Variants in STRN3 observed in about 807,000 individuals in gnomAD.
The protein encoded by STRN3 is striatin 3.
Under a neutral mutation model 95.6 loss-of-function variants are expected in STRN3, and 29 were observed. The ratio of observed to expected loss-of-function variants is 0.30; its 90% confidence interval spans 0.23 to 0.41. The LOEUF (loss-of-function observed/expected upper bound fraction) is 0.41. STRN3 is among the 10% of genes least tolerant of loss of function. The pLI, the probability that STRN3 is intolerant of heterozygous loss-of-function variation, is 1.00. For missense variants in STRN3, 890 were observed against 972.1 expected (o/e 0.92, Z 1.12); for synonymous variants, 331 against 357.6 (o/e 0.93, Z 0.84).
Position 30,935,189 on chromosome 14 carries a change from C to T in STRN3, c.962G>A (p.Arg321Gln), listed in dbSNP as rs372983140. The change falls in exon 7 of 18, where the codon CGG (arginine) becomes CAG (glutamine). Residue 321 changes from arginine to glutamine, a missense_variant. Arg to Gln is a conservative substitution (Grantham distance 43, BLOSUM62 1). Around this residue, in one of 3 missense-constraint regions of STRN3, gnomAD observed 526 missense variants for 526.3 expected, o/e 1.00. Transcript: ENST00000357479. Reference protein sequence around the residue: ...AEDGEGAGEARSSGDGTEWDK... With the variant: ...AEDGEGAGEAQSSGDGTEWDK... ...CCATTCTGTGCCATCCCCCGAACTC[C>T]GTGCTTCTCCAGCTCCTTCACCATC... The T allele has an allele frequency of 5.0e-6, 8 of 1,613,966 alleles. No homozygotes were observed. The highest frequency in any genetic ancestry group is 3.3e-5 in the Admixed American group (2 of 59,990).
At chr14:30,948,141 ACT>A (rs1879458358) in intron 4 of STRN3, among the ~76,000 whole-genome samples, 1 of 152,122 alleles carries the variant, frequency 6.6e-6, no homozygotes, top group Admixed American at 6.5e-5. Flanking sequence ...ACAAGTAAGA[ACT>A]CTACACAATT....
At chr14:30,898,725 C>G (rs1399473339) in intron 16 of STRN3, among the ~76,000 whole-genome samples, 1 of 152,178 alleles carries the variant, frequency 6.6e-6, no homozygotes, top group Non-Finnish European at 1.5e-5. Flanking sequence ...CCTCGTGCTT[C>G]TGCTAATACT....
rs539162974 is a variant in STRN3, at chr14:30,907,517, T to C, written c.1721-473A>G. Among the ~76,000 whole-genome samples the C allele has an allele frequency of 2.6e-4, 39 of 152,308 alleles. No homozygotes were observed. The South Asian group carries it at 6.6e-3, about 26-fold the overall frequency. ...AACTAATGCTCTGTCTCTATAGATG[T>C]GTCTTTCTGAACATTTTCTATAAAT... is the stretch of plus-strand genomic sequence containing the variant. On this transcript the variant is annotated intron_variant, in intron 13 of 17. Transcript: ENST00000357479.
chr14:31,000,176 C>T (rs980749808), intron 1 of STRN3, among the ~76,000 whole-genome samples: 2 of 149,080 alleles, frequency 1.3e-5, no homozygotes, highest in Admixed American at 6.9e-5. Flanking sequence ...TAATTCAAAT[C>T]CACCTAAAAA....
intron 1 of STRN3, among the ~76,000 whole-genome samples, chr14:30,966,518 C>T (rs754441455): frequency 1.1e-4 from 17 of 152,222 alleles, no homozygotes; most frequent in Non-Finnish European, 2.1e-4. Flanking sequence ...CTACCCAGTG[C>T]GAGGAATAAC....
At chr14:30,985,565 T>C (rs1881646594) in intron 1 of STRN3, among the ~76,000 whole-genome samples, 1 of 151,594 alleles carries the variant, frequency 6.6e-6, no homozygotes, top group African/African-American at 2.4e-5. Context: ...GATCACGCAT[T>C]GTACTCCAGC....
intron 4 of STRN3, among the ~76,000 whole-genome samples, chr14:30,950,112 A>T (rs1879565649): frequency 6.6e-6 from 1 of 152,148 alleles, no homozygotes; most frequent in Admixed American, 6.6e-5. Context: ...GAAATAAAAT[A>T]AAAGCAACCA....
intron 8 of STRN3, among the ~76,000 whole-genome samples, chr14:30,928,612 C>T (rs1878310083): frequency 6.6e-6 from 1 of 152,092 alleles, no homozygotes; most frequent in African/African-American, 2.4e-5. Flanking sequence ...TACATCCAGG[C>T]ACCAAGACAC....
chr14:30,987,847 C>A (rs1594545539), intron 1 of STRN3, among the ~76,000 whole-genome samples: 1 of 151,976 alleles, frequency 6.6e-6, no homozygotes, highest in South Asian at 2.1e-4. Context: ...AAGCAATTCT[C>A]CTGCCTCAGC....
intron 5 of STRN3, among the ~76,000 whole-genome samples, chr14:30,937,771 A>C (rs1204415861): frequency 2.0e-5 from 3 of 152,176 alleles, no homozygotes; most frequent in African/African-American, 7.2e-5. Flanking sequence ...AATGTTTTTA[A>C]ATGTCTTTAC....
chr14:30,940,511 G>T (rs1166377056), intron 5 of STRN3, among the ~76,000 whole-genome samples: 2 of 152,104 alleles, frequency 1.3e-5, no homozygotes, highest in Non-Finnish European at 2.9e-5. Context: ...TTCCAGCTTT[G>T]AATGTTAATT....
At chr14:30,983,549 A>C (rs1373305401) in intron 1 of STRN3, among the ~76,000 whole-genome samples, 4 of 152,250 alleles carry the variant, frequency 2.6e-5, no homozygotes, top group Non-Finnish European at 5.9e-5. Flanking sequence ...CGTCTCAAAA[A>C]TAAATAAATA....
chr14:30,956,153 T>G lies in STRN3; in HGVS notation c.372A>C (p.Ala124=). The change falls in exon 2 of 18, where the codon GCA becomes GCC. Residue 124 remains alanine, a synonymous_variant. Transcript: ENST00000357479. The stretch of plus-strand genomic sequence containing the variant: ...GGCACACATACCTTTCTTGTTTTAA[T>G]GCATACTCTAACATCTTTATTCTTC... ...LVRRIKMLEY[A]LKQERAKYHK... 6.2e-7 allele frequency: 1 copy of G among 1,613,720 alleles called. No homozygotes were observed. The highest frequency in any genetic ancestry group is 2.2e-5 in the East Asian group (1 of 44,854).
At chr14:30,905,937 A>G (rs1238212876) in intron 14 of STRN3, among the ~76,000 whole-genome samples, 1 of 152,212 alleles carries the variant, frequency 6.6e-6, no homozygotes, top group Non-Finnish European at 1.5e-5. Context: ...TTCTCACATA[A>G]CTTTGGGAGA....
chr14:30,916,721 T>G (rs558805165), intron 9 of STRN3, among the ~76,000 whole-genome samples: 40 of 152,310 alleles, frequency 2.6e-4, no homozygotes, highest in Admixed American at 1.2e-3. Context: ...TGAGCTACTA[T>G]GCCTGCCCTA....
intron 1 of STRN3, among the ~76,000 whole-genome samples, chr14:30,983,372 G>A (rs758145316): frequency 3.3e-5 from 5 of 152,042 alleles, no homozygotes; most frequent in South Asian, 2.1e-4. Flanking sequence ...GAGAAACCCC[G>A]TCTCTACTAA....
At chr14:31,014,765 CT>C in intron 1 of STRN3, 5 of 433,782 alleles carry the variant, frequency 1.2e-5, no homozygotes, top group Admixed American at 3.2e-5. Flanking sequence ...AAAGCACATC[CT>C]TTTTTAACCT....
chr14:30,974,546 A>G (rs1052981935), intron 1 of STRN3, among the ~76,000 whole-genome samples: 8 of 152,024 alleles, frequency 5.3e-5, no homozygotes, highest in African/African-American at 1.9e-4. Context: ...TTCTGCAGAA[A>G]ACAGAAAAAT....
intron 1 of STRN3, among the ~76,000 whole-genome samples, chr14:31,008,057 G>A (rs1882800529): frequency 6.6e-6 from 1 of 152,048 alleles, no homozygotes; most frequent in African/African-American, 2.4e-5. Flanking sequence ...CAGGCATGAT[G>A]GCGGGTGCCT....
Sources: gnomAD v4.1 joint callset for allele counts (sites outside exome capture counted in the v4.1 genomes callset) on GRCh38, gnomAD v4.1.1 for gene constraint, gnomAD v4.1.1 regional missense constraint, MANE v1.5 for transcripts, NCBI Gene and HGNC (gene_info 2026-07-23, HGNC 2026-07-21) for gene names.